PARD3B: variants seen among roughly 807,000 people sequenced by gnomAD.
The protein encoded by PARD3B is partitioning defective 3 homolog B.
PARD3B carries 103 observed loss-of-function variants against 130.2 expected under a neutral mutation model. That is an observed-to-expected ratio of 0.79 (90% confidence interval 0.67 to 0.93). The LOEUF is 0.93. PARD3B is among the 40% of genes least tolerant of loss of function. The probability of loss-of-function intolerance (pLI) is 0.00; values close to 1 mark genes in which losing one functional copy is unlikely to be tolerated. For missense variants in PARD3B, 1,609 were observed against 1,499.2 expected (o/e 1.07, Z -1.21); for synonymous variants, 583 against 553.2 (o/e 1.05, Z -0.76).
intron 22 of PARD3B, among the ~76,000 whole-genome samples, chr2:205,599,441 A>G (rs1402922192): frequency 6.6e-6 from 1 of 152,214 alleles, no homozygotes; most frequent in African/African-American, 2.4e-5. Flanking sequence ...CCTGATGAGT[A>G]TAGAAGCCAA....
chr2:204,645,360 C>A (rs563862067), intron 1 of PARD3B, among the ~76,000 whole-genome samples: 1 of 152,204 alleles, frequency 6.6e-6, no homozygotes, highest in East Asian at 1.9e-4. Flanking sequence ...ATGACTCATA[C>A]ATATTTTGCT....
At chr2:205,226,263 G>T (rs191492806) in intron 15 of PARD3B, among the ~76,000 whole-genome samples, 1 of 152,182 alleles carries the variant, frequency 6.6e-6, no homozygotes, top group South Asian at 2.1e-4. Context: ...GGATGGTCTC[G>T]ATCTCCTGAT....
Position 204,546,011 on chromosome 2 carries a change from C to A in PARD3B, c.12C>A (p.Thr4=), listed in dbSNP as rs757298920. The A allele has an allele frequency of 8.9e-6, 14 of 1,567,878 alleles. No homozygotes were observed. The East Asian group carries it at 1.7e-4, about 19-fold the overall frequency. The change falls in exon 1 of 23, where the codon ACC becomes ACA. Residue 4 remains threonine, a synonymous_variant. Transcript: ENST00000406610. ...CGCCGGGGGCCAGGATGAAAGTGAC[C>A]GTGTGCTTCGGCAGGACGGGCATCG... The part of the protein sequence containing the change: MKV[T]VCFGRTGIVV...
intron 22 of PARD3B, among the ~76,000 whole-genome samples, chr2:205,570,013 TATAACATTG>T (rs2053504204): frequency 6.6e-6 from 1 of 152,158 alleles, no homozygotes. Context: ...AGAAACCATG[TATAACATTG>T]GGAGTTGCCT....
chr2:204,561,820 C>T (rs529629266), intron 1 of PARD3B, among the ~76,000 whole-genome samples: 16 of 152,170 alleles, frequency 1.1e-4, no homozygotes, highest in Non-Finnish European at 2.1e-4. Flanking sequence ...TGGTCTTGAA[C>T]TCCTGACCTC....
At chr2:204,759,649 A>G (rs1428478707) in intron 2 of PARD3B, among the ~76,000 whole-genome samples, 1 of 152,048 alleles carries the variant, frequency 6.6e-6, no homozygotes, top group African/African-American at 2.4e-5. Context: ...TCTTTCTGTA[A>G]ATGTATAAAT....
chr2:204,800,868 C>T (rs190602483), intron 2 of PARD3B, among the ~76,000 whole-genome samples: 1 of 152,108 alleles, frequency 6.6e-6, no homozygotes, highest in Admixed American at 6.5e-5. Context: ...GTCTTTAATC[C>T]ATCTTGAGTT....
intron 15 of PARD3B, among the ~76,000 whole-genome samples, chr2:205,196,814 G>T (rs2125815578): frequency 6.6e-6 from 1 of 152,104 alleles, no homozygotes; most frequent in Non-Finnish European, 1.5e-5. Flanking sequence ...CTATTCTGTT[G>T]ATATATTAGT....
chr2:205,076,683 G>A (rs1458138046), intron 4 of PARD3B, among the ~76,000 whole-genome samples: 1 of 152,036 alleles, frequency 6.6e-6, no homozygotes, highest in Admixed American at 6.6e-5. Flanking sequence ...ATCCTATTGT[G>A]AACTGTGGAT....
chr2:205,500,008 C>T lies in PARD3B; in HGVS notation c.3157C>T (p.Pro1053Ser). 2.5e-6 allele frequency: 4 copies of T among 1,613,758 alleles called. No homozygotes were observed. Among genetic ancestry groups the T allele is most frequent in the Non-Finnish European group, 3.4e-6 (4 of 1,179,760 alleles). The stretch of plus-strand genomic sequence containing the variant: ...TGAAGACGACGAAGGAAGAGCAAGG[C>T]CATCTGAGTATGACCTACTCTGGGT... Reference protein sequence around the residue: ...LYEDDEGRARPSEYDLLWVPG... With the variant: ...LYEDDEGRARSSEYDLLWVPG... The change falls in exon 21 of 23, where the codon CCA (proline) becomes TCA (serine). Residue 1053 changes from proline (P) to serine (S), a missense_variant. Transcript: ENST00000406610.
At chr2:204,898,785 T>C (rs1399241604) in intron 2 of PARD3B, among the ~76,000 whole-genome samples, 1 of 152,324 alleles carries the variant, frequency 6.6e-6, no homozygotes, top group East Asian at 1.9e-4. Context: ...ATATTTGCTT[T>C]ATATTTCTGG....
intron 22 of PARD3B, among the ~76,000 whole-genome samples, chr2:205,565,189 C>G (rs944562994): frequency 6.6e-6 from 1 of 152,090 alleles, no homozygotes; most frequent in Non-Finnish European, 1.5e-5. Flanking sequence ...TGTCTGACAG[C>G]CCGGGTTTTA....
intron 18 of PARD3B, among the ~76,000 whole-genome samples, chr2:205,395,062 T>A (rs1435063737): frequency 6.6e-6 from 1 of 152,202 alleles, no homozygotes; most frequent in Non-Finnish European, 1.5e-5. Flanking sequence ...GTCCTCCATC[T>A]CCGACCTCTC....
rs1285103383 is a variant in PARD3B, at chr2:204,643,737, C to A, written c.121-42444C>A. On this transcript the variant is annotated intron_variant, in intron 1 of 22. Coordinates refer to ENST00000406610, the MANE Select transcript of PARD3B (RefSeq NM_001302769.2). ...TGCAGGGAAGCCAAAAGATTGGACACCCCTCTTATAAAGGATACTAGCAAT... is the reference window on the plus strand; with the variant it reads ...TGCAGGGAAGCCAAAAGATTGGACAACCCTCTTATAAAGGATACTAGCAAT... Among the ~76,000 whole-genome samples, 9 of 152,154 alleles carry A rather than the reference C, an allele frequency of 5.9e-5. No homozygotes were observed. The East Asian group carries it at 7.8e-4, about 13-fold the overall frequency.
intron 1 of PARD3B, among the ~76,000 whole-genome samples, chr2:204,617,824 G>T: frequency 6.6e-6 from 1 of 152,156 alleles, no homozygotes; most frequent in African/African-American, 2.4e-5. Context: ...GTGTTAAGTT[G>T]CTTAGGATAA....
intron 1 of PARD3B, among the ~76,000 whole-genome samples, chr2:204,575,156 A>G (rs529309052): frequency 6.6e-6 from 1 of 152,364 alleles, no homozygotes; most frequent in South Asian, 2.1e-4. Context: ...AGACAGTAAT[A>G]TACATGGTTT....
chr2:205,364,675 T>C (rs978774474), intron 18 of PARD3B, among the ~76,000 whole-genome samples: 2 of 152,176 alleles, frequency 1.3e-5, no homozygotes, highest in African/African-American at 4.8e-5. Flanking sequence ...ATGAAGTGTG[T>C]GGATGCCTCA....
At chr2:204,964,454 G>A (rs956731795) in intron 2 of PARD3B, among the ~76,000 whole-genome samples, 2 of 152,110 alleles carry the variant, frequency 1.3e-5, no homozygotes, top group African/African-American at 2.4e-5. Context: ...TAGTTCTCAC[G>A]TAAAATAAGA....
chr2:205,025,300 T>G (rs748974472), intron 3 of PARD3B, among the ~76,000 whole-genome samples: 3 of 152,196 alleles, frequency 2.0e-5, no homozygotes, highest in Non-Finnish European at 1.5e-5. Context: ...AACCGTTAGA[T>G]GGGCTTGCTG....
Sources: allele counts gnomAD v4.1 joint callset (sites outside exome capture counted in the v4.1 genomes callset), GRCh38; gene constraint gnomAD v4.1.1; transcripts MANE v1.5; gene names NCBI Gene and HGNC (gene_info 2026-07-23, HGNC 2026-07-21).